MCCC1: variants seen among roughly 807,000 people sequenced by gnomAD.
MCCC1 encodes the protein methylcrotonoyl-CoA carboxylase subunit alpha, mitochondrial.
A neutral mutation model predicts 83.8 loss-of-function variants in MCCC1; 64 were observed. That is an observed-to-expected ratio of 0.76 (90% confidence interval 0.62 to 0.94). MCCC1 has a LOEUF of 0.94. MCCC1 is among the 40% of genes least tolerant of loss of function. MCCC1 has a pLI of 0.00. For missense variants in MCCC1, 807 were observed against 904.7 expected (o/e 0.89, Z 1.39); for synonymous variants, 322 against 315.4 (o/e 1.02, Z -0.22).
chr3:183,059,806 C>T (rs1190278322), intron 7 of MCCC1, among the ~76,000 whole-genome samples: 1 of 152,162 alleles, frequency 6.6e-6, no homozygotes, highest in Non-Finnish European at 1.5e-5. Flanking sequence ...TTTCTCTGAA[C>T]ACTTTATATC....
intron 8 of MCCC1, among the ~76,000 whole-genome samples, chr3:183,055,139 C>T (rs1206218108): frequency 6.6e-6 from 1 of 152,000 alleles, no homozygotes; most frequent in Non-Finnish European, 1.5e-5. Context: ...TGCGGTGGCT[C>T]AAGCCTGTAC....
intron 4 of MCCC1, among the ~76,000 whole-genome samples, chr3:183,075,744 T>C (rs1717024356): frequency 6.6e-6 from 1 of 152,142 alleles, no homozygotes. Flanking sequence ...GGTTTCACCA[T>C]GTTAGCCAGG....
rs144547884 is a variant in MCCC1 at position 183,081,185 on chromosome 3, T to C, written c.369+5508A>G. 1.4e-3 allele frequency among the ~76,000 whole-genome samples: 217 copies of C among 152,304 alleles called. 3 individuals are homozygous for C. Among genetic ancestry groups the C allele is most frequent in the Admixed American group, 0.011 (170 of 15,292 alleles). On this transcript the variant is annotated intron_variant, in intron 4 of 18. Coordinates refer to ENST00000265594, the MANE Select transcript of MCCC1 (RefSeq NM_020166.5). Reference sequence around the variant, plus strand: ...CCAAACCATGATGTTCTTGAGCATTTGAATGGATTAAAAGGGAAAACAACA... The same window carrying C: ...CCAAACCATGATGTTCTTGAGCATTCGAATGGATTAAAAGGGAAAACAACA...
Position 183,060,739 on chromosome 3 carries a change from G to A in MCCC1, c.762-3317C>T, listed in dbSNP as rs528822406. Among the ~76,000 whole-genome samples, 5 of 151,862 alleles carry A rather than the reference G, an allele frequency of 3.3e-5. No individual in the cohort carries two copies. In the South Asian group the frequency reaches 1.0e-3, roughly 32 times the overall value. On this transcript the variant is annotated intron_variant, in intron 7 of 18. Coordinates refer to ENST00000265594, the MANE Select transcript of MCCC1 (RefSeq NM_020166.5). Reference sequence around the variant, plus strand: ...TCCTTCCCCGCTCCCCCAACCCCACGACAGGCCCCGGTGTGTGATGTTCCC... The same window carrying A: ...TCCTTCCCCGCTCCCCCAACCCCACAACAGGCCCCGGTGTGTGATGTTCCC...
At chr3:183,035,809 G>A (rs923436905) in intron 13 of MCCC1, among the ~76,000 whole-genome samples, 2 of 151,856 alleles carry the variant, frequency 1.3e-5, no homozygotes, top group African/African-American at 2.4e-5. Flanking sequence ...CTGAGATTTT[G>A]TATCAATTTA....
rs975287997 is a variant in MCCC1, at chr3:183,064,675, C to T, written c.761+6324G>A. ...GCACCGGCGGCCACACTGCCTCGGC[C>T]GACCCACGTCCTGGCATGGCTGCTG... is the stretch of plus-strand genomic sequence containing the variant. On this transcript the variant is annotated intron_variant, in intron 7 of 18. Coordinates refer to ENST00000265594, the MANE Select transcript of MCCC1 (RefSeq NM_020166.5). This position sits in a 1 kb window ranked among gnomAD's most constrained non-coding sequence, Gnocchi z 4.5. Among the ~76,000 whole-genome samples, 3 of 152,212 alleles carry T rather than the reference C, an allele frequency of 2.0e-5. No individual in the cohort carries two copies. The highest frequency in any genetic ancestry group is 4.4e-5 in the Non-Finnish European group (3 of 68,036).
At chr3:183,034,711 T>C (rs1166510347) in intron 13 of MCCC1, among the ~76,000 whole-genome samples, 2 of 152,090 alleles carry the variant, frequency 1.3e-5, no homozygotes, top group Admixed American at 6.5e-5. Context: ...CTATTCACTA[T>C]TTTTCTTTCA....
chr3:183,090,464 G>A (rs893090905), intron 3 of MCCC1, among the ~76,000 whole-genome samples: 1 of 152,126 alleles, frequency 6.6e-6, no homozygotes, highest in African/African-American at 2.4e-5. Context: ...ACAATGTGAT[G>A]TTTTGCCACA....
intron 9 of MCCC1, 28 bp from the exon 10 acceptor site, chr3:183,045,568 T>A (rs770698666): frequency 6.2e-7 from 1 of 1,612,250 alleles, no homozygotes; most frequent in Non-Finnish European, 8.5e-7. Context: ...ATGGTCATAT[T>A]CAATAGTGTA....
intron 4 of MCCC1, among the ~76,000 whole-genome samples, chr3:183,081,714 C>T (rs1407429190): frequency 2.0e-5 from 3 of 152,194 alleles, no homozygotes; most frequent in African/African-American, 4.8e-5. Context: ...TGTGTAAGCT[C>T]ATATGCCACT....
intron 8 of MCCC1, among the ~76,000 whole-genome samples, chr3:183,053,484 T>C (rs570357122): frequency 3.2e-4 from 48 of 151,756 alleles, no homozygotes; most frequent in African/African-American, 1.0e-3. Context: ...CAAGACCCCA[T>C]CTCAAAAAAT....
intron 7 of MCCC1, among the ~76,000 whole-genome samples, chr3:183,065,009 T>A (rs920560187): frequency 6.6e-6 from 1 of 152,216 alleles, no homozygotes; most frequent in Admixed American, 6.5e-5. Context: ...TTATCTCCTC[T>A]GTAAAGTTTT....
At chr3:183,072,876 A>G (rs1029227977) in intron 4 of MCCC1, among the ~76,000 whole-genome samples, 1 of 152,200 alleles carries the variant, frequency 6.6e-6, no homozygotes, top group Non-Finnish European at 1.5e-5. Context: ...CCTAGTAACC[A>G]GGATTTTACT....
chr3:183,094,345 G>A (rs1718586649), intron 2 of MCCC1, among the ~76,000 whole-genome samples: 1 of 151,936 alleles, frequency 6.6e-6, no homozygotes, highest in Admixed American at 6.6e-5. Flanking sequence ...CACTGCGCCC[G>A]GCTGCCCTCT....
Position 183,089,489 on chromosome 3 carries a change from C to T in MCCC1, c.274-2701G>A, listed in dbSNP as rs115170566. 2.7e-3 allele frequency among the ~76,000 whole-genome samples: 408 copies of T among 152,222 alleles called. 2 individuals carry two copies. The highest frequency in any genetic ancestry group is 9.2e-3 in the African/African-American group (383 of 41,540). ...ATTAGCCGGCTATGGTAGCAAGTGC[C>T]TGTAGTCCCAGCTACTCAGGAGGCT... On this transcript the variant is annotated intron_variant, in intron 3 of 18. Coordinates refer to ENST00000265594, the MANE Select transcript of MCCC1 (RefSeq NM_020166.5).
At chr3:183,099,715 A>G (rs1245742739), upstream of MCCC1, 2 of 550,616 alleles carry the variant, frequency 3.6e-6, no homozygotes, top group Admixed American at 6.2e-5. Context: ...TGCTCTGACT[A>G]AGGCAAGGGT....
At chr3:183,086,338 A>G (rs1342820448) in intron 4 of MCCC1, among the ~76,000 whole-genome samples, 1 of 152,086 alleles carries the variant, frequency 6.6e-6, no homozygotes, top group African/African-American at 2.4e-5. Context: ...GTGGAAATAT[A>G]TTTCTTTCTT....
At chr3:183,018,858 T>C (rs1711912807) in intron 17 of MCCC1, among the ~76,000 whole-genome samples, 1 of 152,216 alleles carries the variant, frequency 6.6e-6, no homozygotes, top group Non-Finnish European at 1.5e-5. Context: ...ACAATCTTCA[T>C]GCAACAGAAT....
rs111411520 is a variant in MCCC1, at chr3:183,051,499, T to C, written c.955+660A>G. Among the ~76,000 whole-genome samples, 688 of 152,174 alleles carry C rather than the reference T, an allele frequency of 4.5e-3. 3 individuals carry two copies. The highest frequency in any genetic ancestry group is 0.016 in the African/African-American group (657 of 41,498). ...TGGGGGCAGTAAAAACATGAGTGGC[T>C]GCCGGGGTTTAGGGGGGATGAAAGG... On this transcript the variant is annotated intron_variant, in intron 9 of 18. Coordinates refer to ENST00000265594, the MANE Select transcript of MCCC1 (RefSeq NM_020166.5).
Sources: gnomAD v4.1 joint callset for allele counts (sites outside exome capture counted in the v4.1 genomes callset) on GRCh38, gnomAD v4.1.1 for gene constraint, Gnocchi (gnomAD v3.1) non-coding constraint, MANE v1.5 for transcripts, NCBI Gene and HGNC (gene_info 2026-07-23, HGNC 2026-07-21) for gene names.